RBMS3: variants seen among roughly 807,000 people sequenced by gnomAD.
RBMS3 encodes the protein RNA binding motif single stranded interacting protein 3, also known as RNA-binding motif, single-stranded-interacting protein 3.
Under a neutral mutation model 66.8 loss-of-function variants are expected in RBMS3, and 27 were observed. The ratio of observed to expected loss-of-function variants is 0.40; its 90% CI spans 0.30 to 0.56. RBMS3 has a LOEUF of 0.56. Among genes scored for constraint, RBMS3 ranks in the 20% least tolerant of loss-of-function variants. RBMS3 has a pLI of 0.40. For synonymous variants in RBMS3, 188 were observed against 183.0 expected (o/e 1.03, Z -0.22); for missense variants, 513 against 549.5 (o/e 0.93, Z 0.66).
intron 3 of RBMS3, among the ~76,000 whole-genome samples, chr3:29,506,613 C>A (rs2148947313): frequency 6.6e-6 from 1 of 151,998 alleles, no homozygotes; most frequent in Non-Finnish European, 1.5e-5. Flanking sequence ...TAAAAGTATT[C>A]CCTCTGCTGC....
intron 3 of RBMS3, among the ~76,000 whole-genome samples, chr3:29,518,870 T>C (rs1252460314): frequency 6.6e-6 from 1 of 152,164 alleles, no homozygotes; most frequent in East Asian, 1.9e-4. Flanking sequence ...CAACTGTAGA[T>C]GATAGGGCTA....
chr3:29,955,139 T>A (rs1386701490), intron 12 of RBMS3, among the ~76,000 whole-genome samples: 1 of 151,982 alleles, frequency 6.6e-6, no homozygotes, highest in East Asian at 1.9e-4. Flanking sequence ...AGAACCACAG[T>A]ATGGTGATAG....
intron 6 of RBMS3, among the ~76,000 whole-genome samples, chr3:29,846,992 A>C (rs1321352351): frequency 6.6e-6 from 1 of 152,210 alleles, no homozygotes. Context: ...CATCTGATAT[A>C]GTACCCAGGA....
chr3:29,565,586 G>A (rs1223246547), intron 3 of RBMS3, among the ~76,000 whole-genome samples: 1 of 152,086 alleles, frequency 6.6e-6, no homozygotes, highest in Non-Finnish European at 1.5e-5. Flanking sequence ...AAGCAACCAG[G>A]AGGTCCTTGA....
At position 29,947,287 on chromosome 3, in the gene RBMS3, T is replaced by C. The variant is rs148969970; in HGVS notation, c.1098+3033T>C. On this transcript the variant is annotated intron_variant, in intron 12 of 14. Coordinates refer to ENST00000383767, the MANE Select transcript of RBMS3 (RefSeq NM_001003793.3). Reference sequence around the variant, plus strand: ...CATTAATGTGAACATAAAAAGTGACTAATGAAGTGGGGGTATCTTGCATAT... The same window carrying C: ...CATTAATGTGAACATAAAAAGTGACCAATGAAGTGGGGGTATCTTGCATAT... Among the ~76,000 whole-genome samples the C allele has an allele frequency of 2.6e-4, 40 of 151,716 alleles. No homozygotes were observed. The East Asian group carries it at 6.6e-3, about 25-fold the overall frequency.
At chr3:29,533,570 G>A (rs890669235) in intron 3 of RBMS3, among the ~76,000 whole-genome samples, 1 of 152,130 alleles carries the variant, frequency 6.6e-6, no homozygotes, top group African/African-American at 2.4e-5. Flanking sequence ...GAGGTTAGGA[G>A]TTCAAGACCA....
chr3:29,591,867 C>A (rs138868361), intron 4 of RBMS3, among the ~76,000 whole-genome samples: 1 of 152,212 alleles, frequency 6.6e-6, no homozygotes, highest in East Asian at 1.9e-4. Flanking sequence ...GGTGTACTAC[C>A]AGACTGCCAT....
intron 5 of RBMS3, among the ~76,000 whole-genome samples, chr3:29,740,940 C>T (rs1673886719): frequency 6.6e-6 from 1 of 151,426 alleles, no homozygotes; most frequent in Admixed American, 6.6e-5. Context: ...ACTCGGGAGG[C>T]TGAGGCAGGA....
chr3:29,989,060 C>T (rs1004205505), intron 13 of RBMS3, among the ~76,000 whole-genome samples: 4 of 152,136 alleles, frequency 2.6e-5, no homozygotes, highest in East Asian at 1.9e-4. Context: ...GATTCTAATA[C>T]GTACCAAAGA....
At chr3:29,301,951 C>T (rs980551448) in intron 1 of RBMS3, among the ~76,000 whole-genome samples, 1 of 151,874 alleles carries the variant, frequency 6.6e-6, no homozygotes, top group African/African-American at 2.4e-5. Context: ...TTTATTTTCA[C>T]GTAACGCTTT....
chr3:29,322,906 T>C (rs143165579), intron 1 of RBMS3, among the ~76,000 whole-genome samples: 1 of 152,252 alleles, frequency 6.6e-6, no homozygotes, highest in Non-Finnish European at 1.5e-5. Flanking sequence ...AGCCTATTTT[T>C]TGAAGATTAT....
intron 4 of RBMS3, among the ~76,000 whole-genome samples, chr3:29,632,508 A>G (rs375060345): frequency 1.3e-5 from 2 of 151,880 alleles, no homozygotes; most frequent in African/African-American, 4.8e-5. Context: ...ACTGAGAGCT[A>G]CTAAATATTT....
At chr3:29,292,130 C>A (rs1047267867) in intron 1 of RBMS3, among the ~76,000 whole-genome samples, 3 of 151,712 alleles carry the variant, frequency 2.0e-5, no homozygotes, top group Non-Finnish European at 2.9e-5. Flanking sequence ...TTCTTCCCAG[C>A]CCTCTAGACA....
At chr3:29,997,760 G>T (rs1442597461) in intron 14 of RBMS3, among the ~76,000 whole-genome samples, 2 of 152,042 alleles carry the variant, frequency 1.3e-5, no homozygotes, top group South Asian at 2.1e-4. Context: ...GTATCGATGG[G>T]ACGTATTTCA....
intron 6 of RBMS3, among the ~76,000 whole-genome samples, chr3:29,804,378 A>G (rs1428775359): frequency 1.3e-5 from 2 of 152,048 alleles, no homozygotes; most frequent in Non-Finnish European, 2.9e-5. Context: ...GCTCTATAAT[A>G]TATAGACTTA....
At chr3:29,788,688 T>C (rs1179068861) in intron 6 of RBMS3, among the ~76,000 whole-genome samples, 1 of 152,192 alleles carries the variant, frequency 6.6e-6, no homozygotes, top group Non-Finnish European at 1.5e-5. Context: ...GTGAACAATA[T>C]AAAAATGAAA....
chr3:29,685,930 T>C (rs2051712931), intron 4 of RBMS3, among the ~76,000 whole-genome samples: 1 of 152,158 alleles, frequency 6.6e-6, no homozygotes, highest in Non-Finnish European at 1.5e-5. Context: ...ACTTCTAACG[T>C]TAGTTTTCCC....
chr3:29,464,106 T>G (rs1364284511), intron 2 of RBMS3, among the ~76,000 whole-genome samples: 1 of 152,138 alleles, frequency 6.6e-6, no homozygotes, highest in African/African-American at 2.4e-5. Flanking sequence ...CCTTAACTTG[T>G]GTACAAATTG....
At chr3:29,475,436 G>A (rs919817031) in intron 2 of RBMS3, among the ~76,000 whole-genome samples, 2 of 152,004 alleles carry the variant, frequency 1.3e-5, no homozygotes, top group African/African-American at 4.8e-5. Context: ...TTTTCGTAGG[G>A]ATGGGGTTTT....
Sources: gnomAD v4.1 joint callset for allele counts (sites outside exome capture counted in the v4.1 genomes callset) on GRCh38, gnomAD v4.1.1 for gene constraint, MANE v1.5 for transcripts, NCBI Gene and HGNC (gene_info 2026-07-23, HGNC 2026-07-21) for gene names.